The following LUC7L2 variants were observed in gnomAD, a reference collection of about 807,000 sequenced individuals.
LUC7L2 encodes LUC7 like 2, pre-mRNA splicing factor, also known as putative RNA-binding protein Luc7-like 2.
LUC7L2 carries 25 observed loss-of-function variants against 52.8 expected under a neutral mutation model. That is an observed-to-expected ratio of 0.47 (90% CI 0.34 to 0.66). LUC7L2 has a LOEUF of 0.66. Ranked by LOEUF, LUC7L2 falls within the 30% of genes least tolerant of loss-of-function variation. LUC7L2 has a pLI of 0.01. For missense variants in LUC7L2, 328 were observed against 497.8 expected (o/e 0.66, Z 3.25); for synonymous variants, 144 against 160.9 (o/e 0.89, Z 0.80).
At chr7:139,420,805 T>G (rs1656653055) in intron 9 of LUC7L2, among the ~76,000 whole-genome samples, 1 of 152,098 alleles carries the variant, frequency 6.6e-6, no homozygotes, top group South Asian at 2.1e-4. Context: ...ACTGTGATTT[T>G]TTGTTGTTGT....
At chr7:139,422,122 G>A in intron 9 of LUC7L2, 41 bp from the exon 10 acceptor site, 3 of 1,561,614 alleles carry the variant, frequency 1.9e-6, no homozygotes, top group Non-Finnish European at 2.6e-6. Flanking sequence ...GGGTTTTTGG[G>A]TTTCCCAACA....
chr7:139,407,423 A>T, intron 6 of LUC7L2, 73 bp downstream of exon 6: 1 of 1,472,674 alleles, frequency 6.8e-7, no homozygotes. Context: ...TTTGTACAAT[A>T]TTCTTGACTA....
upstream of LUC7L2, among the ~76,000 whole-genome samples, chr7:139,358,838 G>A (rs1254829852): frequency 6.6e-6 from 1 of 151,922 alleles, no homozygotes; most frequent in Non-Finnish European, 1.5e-5. Context: ...CCGCCATCAC[G>A]CCCGGCTAAT....
At chr7:139,375,569 G>A in intron 1 of LUC7L2, 1 of 985,506 alleles carries the variant, frequency 1.0e-6, no homozygotes, top group South Asian at 4.7e-5. Context: ...GGGGTTCAGT[G>A]GGGATTCGCA....
At chr7:139,341,277 G>GGGGAGTC in intron 1 of LUC7L2, 1 of 1,490,562 alleles carries the variant, frequency 6.7e-7, no homozygotes, top group Non-Finnish European at 8.9e-7. Context: ...CAGTCGATAG[G>GGGGAGTC]GGGAGTCGGT....
At chr7:139,343,654 G>A (rs2131140130) in intron 1 of LUC7L2, among the ~76,000 whole-genome samples, 1 of 152,270 alleles carries the variant, frequency 6.6e-6, no homozygotes, top group Non-Finnish European at 1.5e-5. Context: ...AGGGGATTAG[G>A]CCAGGAGCGG....
chr7:139,383,508 C>CTCAA, intron 2 of LUC7L2, among the ~76,000 whole-genome samples: 1 of 151,108 alleles, frequency 6.6e-6, no homozygotes, highest in South Asian at 2.1e-4. Context: ...GCCTCCCGGG[C>CTCAA]TCAAGCAATT....
At chr7:139,374,294 A>G in intron 1 of LUC7L2, 1 of 827,366 alleles carries the variant, frequency 1.2e-6, no homozygotes, top group Non-Finnish European at 1.9e-6. Context: ...TTTTTATATA[A>G]AAGAATCTTT....
intron 9 of LUC7L2, among the ~76,000 whole-genome samples, chr7:139,418,934 C>G (rs1343208431): frequency 6.6e-6 from 1 of 151,736 alleles, no homozygotes; most frequent in Non-Finnish European, 1.5e-5. Flanking sequence ...CCTGGCCAAC[C>G]AACCCCATCT....
intron 1 of LUC7L2, among the ~76,000 whole-genome samples, chr7:139,350,152 C>T (rs1341410296): frequency 5.9e-5 from 9 of 151,936 alleles, no homozygotes; most frequent in East Asian, 1.9e-4. Flanking sequence ...GACGGAGTCT[C>T]GCTCTGTGGC....
intron 9 of LUC7L2, among the ~76,000 whole-genome samples, chr7:139,418,967 C>T (rs941662417): frequency 6.6e-6 from 1 of 151,934 alleles, no homozygotes; most frequent in African/African-American, 2.4e-5. Context: ...AAACATTAGC[C>T]GGGCATGGTG....
At chr7:139,398,397 T>A (rs986689440) in intron 2 of LUC7L2, among the ~76,000 whole-genome samples, 8 of 152,176 alleles carry the variant, frequency 5.3e-5, no homozygotes, top group African/African-American at 1.7e-4. Context: ...CCTGTTCCCA[T>A]CTGTTGGTAG....
intron 1 of LUC7L2, among the ~76,000 whole-genome samples, chr7:139,347,275 A>G (rs1257862721): frequency 6.6e-6 from 1 of 152,190 alleles, no homozygotes; most frequent in Non-Finnish European, 1.5e-5. Flanking sequence ...GAGAGGTACA[A>G]CCTCAACAGA....
intron 3 of LUC7L2, among the ~76,000 whole-genome samples, chr7:139,399,573 T>C (rs943380173): frequency 1.4e-5 from 2 of 148,104 alleles, no homozygotes; most frequent in African/African-American, 2.5e-5. Context: ...GGGTTCATGC[T>C]GTTCTGCTGT....
At chr7:139,380,303 A>G (rs1018643769) in intron 2 of LUC7L2, among the ~76,000 whole-genome samples, 3 of 152,182 alleles carry the variant, frequency 2.0e-5, no homozygotes, top group Non-Finnish European at 2.9e-5. Flanking sequence ...CTATACTTCA[A>G]AAGCTTGCGG....
intron 1 of LUC7L2, chr7:139,345,563 C>T (rs776746104): frequency 2.5e-6 from 4 of 1,614,170 alleles, no homozygotes; most frequent in Non-Finnish European, 3.4e-6. Context: ...CCACCTATCT[C>T]TGCCTCCTGC....
chr7:139,351,920 G>A (rs1799469149), intron 1 of LUC7L2, among the ~76,000 whole-genome samples: 1 of 152,148 alleles, frequency 6.6e-6, no homozygotes, highest in East Asian at 1.9e-4. Flanking sequence ...AAACATGTGG[G>A]GAGGTGGCTC....
chr7:139,399,448 G>GGTTTTT (rs1794799799), intron 3 of LUC7L2, among the ~76,000 whole-genome samples: 1 of 83,124 alleles, frequency 1.2e-5, no homozygotes, highest in South Asian at 4.7e-4. Flanking sequence ...GTGTTTGGGG[G>GGTTTTT]ATTTTTTTTT....
chr7:139,375,442 A>G (rs1800660900), intron 1 of LUC7L2: 1 of 985,296 alleles, frequency 1.0e-6, no homozygotes, highest in African/African-American at 1.7e-5. Flanking sequence ...ACTGGTGTGT[A>G]AGTCCTTCTT....
Sources: gnomAD v4.1 joint callset for allele counts (sites outside exome capture counted in the v4.1 genomes callset) on GRCh38, gnomAD v4.1.1 for gene constraint, MANE v1.5 for transcripts, NCBI Gene and HGNC (gene_info 2026-07-23, HGNC 2026-07-21) for gene names.